Variants in RANBP10 observed in about 807,000 individuals in gnomAD.
The protein encoded by RANBP10 is ran-binding protein 10.
RANBP10 carries 24 observed loss-of-function variants against 72.8 expected under a neutral mutation model. The ratio of observed to expected loss-of-function variants is 0.33; its 90% CI spans 0.24 to 0.46. RANBP10 has a LOEUF of 0.46. Among genes scored for constraint, RANBP10 ranks in the 20% least tolerant of loss-of-function variants. RANBP10 has a pLI of 1.00. For missense variants in RANBP10, 679 were observed against 817.5 expected (o/e 0.83, Z 2.07); for synonymous variants, 310 against 322.3 (o/e 0.96, Z 0.41).
At chr16:67,757,421 C>T (rs976141293) in intron 3 of RANBP10, among the ~76,000 whole-genome samples, 9 of 152,190 alleles carry the variant, frequency 5.9e-5, no homozygotes, top group African/African-American at 9.7e-5. Flanking sequence ...AACAGCCATG[C>T]CCAGTGGCTC....
intron 2 of RANBP10, among the ~76,000 whole-genome samples, chr16:67,795,865 A>C (rs1021359799): frequency 2.5e-5 from 3 of 120,682 alleles, no homozygotes; most frequent in Non-Finnish European, 5.1e-5. Flanking sequence ...AAAAATAAAC[A>C]AACAAACAAA....
Position 67,726,339 on chromosome 16 carries a change from C to T in RANBP10, c.*89G>A. 1 of 1,575,090 alleles carries T rather than the reference C, an allele frequency of 6.3e-7. No homozygotes were observed. The highest frequency in any genetic ancestry group is 1.1e-5 in the South Asian group (1 of 87,422). On this transcript the variant is annotated 3_prime_UTR_variant, in exon 14 of 14. Coordinates refer to ENST00000317506, the MANE Select transcript of RANBP10 (RefSeq NM_020850.3). The stretch of plus-strand genomic sequence containing the variant: ...GGAGTGGACTCTGTCTATGGTTTCC[C>T]AGTCCCTGCACCAGTTGCCTATGGA...
chr16:67,802,928 C>G (rs1428938614), intron 2 of RANBP10, among the ~76,000 whole-genome samples: 1 of 152,168 alleles, frequency 6.6e-6, no homozygotes, highest in African/African-American at 2.4e-5. Context: ...AAGTTGGTCT[C>G]TGCTCTCTAC....
At chr16:67,775,667 T>C (rs2054690736) in intron 2 of RANBP10, among the ~76,000 whole-genome samples, 1 of 151,674 alleles carries the variant, frequency 6.6e-6, no homozygotes, top group South Asian at 2.1e-4. Flanking sequence ...TAGGTGGGCA[T>C]GGTGAAGTGC....
intron 3 of RANBP10, among the ~76,000 whole-genome samples, chr16:67,744,734 TACA>T (rs2054036363): frequency 6.6e-6 from 1 of 152,192 alleles, no homozygotes; most frequent in Admixed American, 6.5e-5. Flanking sequence ...CAGAGGGTGG[TACA>T]ACAAGGAGGT....
At position 67,734,965 on chromosome 16, in the gene RANBP10, CAG is replaced by C; in HGVS notation, c.667_668del (p.Leu223ValfsTer2). The C allele has an allele frequency of 6.2e-7, 1 of 1,614,142 alleles. No individual in the cohort carries two copies. The highest frequency in any genetic ancestry group is 8.5e-7 in the Non-Finnish European group (1 of 1,179,994). On this transcript the variant is annotated frameshift_variant, in exon 6 of 14. Transcript: ENST00000317506. LOFTEE classifies it high-confidence loss of function. ...CCCGCATGTAGTCCTCAATGTCAAACAGGAAGGGCTGCTGCCCAAAGTTGGCG... is the reference window on the plus strand; with the variant it reads ...CCCGCATGTAGTCCTCAATGTCAAACGAAGGGCTGCTGCCCAAAGTTGGCG... ...VDANFGQQPFLFDIEDYMREW... is the reference protein window; with the variant it reads ...VDANFGQQPFXFDIEDYMREW...
chr16:67,727,515 A>T, intron 12 of RANBP10, 77 bp from the exon 13 acceptor site: 3 of 1,418,424 alleles, frequency 2.1e-6, no homozygotes, highest in Non-Finnish European at 2.9e-6. Flanking sequence ...CCAGAGGGAG[A>T]CAGGGCCCTG....
intron 3 of RANBP10, among the ~76,000 whole-genome samples, chr16:67,748,405 C>T (rs1256174404): frequency 6.6e-6 from 1 of 151,554 alleles, no homozygotes; most frequent in Non-Finnish European, 1.5e-5. Context: ...CGCCTGTAAT[C>T]CCAACCACTC....
At chr16:67,751,944 T>A (rs1202125836) in intron 3 of RANBP10, among the ~76,000 whole-genome samples, 1 of 150,430 alleles carries the variant, frequency 6.6e-6, no homozygotes, top group Non-Finnish European at 1.5e-5. Context: ...GCTATAAATA[T>A]GGATTTTAAA....
chr16:67,804,127 G>A (rs531831285), intron 2 of RANBP10, among the ~76,000 whole-genome samples: 1 of 152,256 alleles, frequency 6.6e-6, no homozygotes, highest in Non-Finnish European at 1.5e-5. Flanking sequence ...GTCCCTAGGA[G>A]AAAGAAGTTC....
At chr16:67,757,041 C>T (rs1420042961) in intron 3 of RANBP10, among the ~76,000 whole-genome samples, 1 of 152,082 alleles carries the variant, frequency 6.6e-6, no homozygotes, top group Non-Finnish European at 1.5e-5. Flanking sequence ...CCCGTCTTAA[C>T]TAAAAATATT....
intron 3 of RANBP10, among the ~76,000 whole-genome samples, chr16:67,758,322 A>G (rs1273183863): frequency 6.6e-6 from 1 of 152,210 alleles, no homozygotes; most frequent in African/African-American, 2.4e-5. Flanking sequence ...GAGGTGCAAC[A>G]TCAGCTTGCC....
chr16:67,804,185 G>A (rs947518889), intron 2 of RANBP10, among the ~76,000 whole-genome samples: 1 of 152,272 alleles, frequency 6.6e-6, no homozygotes, highest in Admixed American at 6.5e-5. Context: ...CACCAGAGGG[G>A]TTGGCAAACT....
intron 2 of RANBP10, among the ~76,000 whole-genome samples, chr16:67,773,052 G>T (rs1164259743): frequency 6.6e-6 from 1 of 152,218 alleles, no homozygotes; most frequent in African/African-American, 2.4e-5. Flanking sequence ...AGGGTAGAAT[G>T]ATATGGTTTC....
intron 2 of RANBP10, among the ~76,000 whole-genome samples, chr16:67,792,148 C>T (rs542893875): frequency 4.4e-4 from 67 of 152,200 alleles, no homozygotes; most frequent in African/African-American, 1.5e-3. Flanking sequence ...ACCATACCCG[C>T]CCCTGCCCCA....
At chr16:67,782,201 T>G (rs2054825996) in intron 2 of RANBP10, among the ~76,000 whole-genome samples, 1 of 152,184 alleles carries the variant, frequency 6.6e-6, no homozygotes, top group Non-Finnish European at 1.5e-5. Flanking sequence ...AGTGCAATGG[T>G]GAGACCTTGC....
At position 67,757,078 on chromosome 16, in the gene RANBP10, C is replaced by T. The variant is rs559199097; in HGVS notation, c.401-12623G>A. On this transcript the variant is annotated intron_variant, in intron 3 of 13. Transcript: ENST00000317506. ...TAAAAATTGGCCGGGCGTGGTGGCGCGTGCCTGTAATCCCAGCTATTTGGG... is the reference window on the plus strand; with the variant it reads ...TAAAAATTGGCCGGGCGTGGTGGCGTGTGCCTGTAATCCCAGCTATTTGGG... Among the ~76,000 whole-genome samples the T allele has an allele frequency of 1.2e-3, 174 of 151,222 alleles. 1 individual carries two copies. Among genetic ancestry groups the T allele is most frequent in the African/African-American group, 4.1e-3 (170 of 41,176 alleles).
rs2054317012 is a variant in RANBP10 at position 67,757,845 on chromosome 16, A to T, written c.401-13390T>A. The stretch of plus-strand genomic sequence containing the variant: ...GATGCCTCTGGCACTGCAGGTAGGA[A>T]GGTCTGGCAGTGCCCTGGGTGCAGG... On this transcript the variant is annotated intron_variant, in intron 3 of 13. Transcript: ENST00000317506. Among the ~76,000 whole-genome samples the T allele has an allele frequency of 2.0e-5, 3 of 152,300 alleles. No individual in the cohort carries two copies. In the South Asian group the frequency reaches 6.2e-4, roughly 32 times the overall value.
At chr16:67,767,591 G>A (rs1228674306) in intron 3 of RANBP10, among the ~76,000 whole-genome samples, 2 of 150,840 alleles carry the variant, frequency 1.3e-5, no homozygotes, top group African/African-American at 4.9e-5. Context: ...GGGAGACCTT[G>A]TCTCTACAAT....
Sources: allele counts gnomAD v4.1 joint callset (sites outside exome capture counted in the v4.1 genomes callset), GRCh38; gene constraint gnomAD v4.1.1; transcripts MANE v1.5; gene names NCBI Gene and HGNC (gene_info 2026-07-23, HGNC 2026-07-21).